The following ALK variants were observed in gnomAD, a reference collection of about 807,000 sequenced individuals.
ALK encodes ALK receptor tyrosine kinase.
ALK carries 74 observed loss-of-function variants against 163.1 expected under a neutral mutation model. That is an observed-to-expected ratio of 0.45 (90% CI 0.38 to 0.55). The LOEUF (loss-of-function observed/expected upper bound fraction) is 0.55. ALK is among the 20% of genes least tolerant of loss of function. ALK has a pLI of 0.00. For missense variants in ALK, 2,063 were observed against 2,105.3 expected (o/e 0.98, Z 0.39); for synonymous variants, 960 against 843.2 (o/e 1.14, Z -2.40).
chr2:29,459,145 T>G (rs926857751), intron 4 of ALK, among the ~76,000 whole-genome samples: 3 of 152,190 alleles, frequency 2.0e-5, no homozygotes, highest in Non-Finnish European at 2.9e-5. Flanking sequence ...ACACTGAAAC[T>G]TGCAGACTTT....
intron 11 of ALK, among the ~76,000 whole-genome samples, chr2:29,259,529 T>TTGA (rs1665031395): frequency 6.6e-6 from 1 of 152,178 alleles, no homozygotes; most frequent in African/African-American, 2.4e-5. Flanking sequence ...TATTTGAGTG[T>TTGA]TGATAATATA....
In ALK at chr2:29,637,709, CAA is replaced by C. The variant is rs70958274; in HGVS notation, c.952+57139_952+57140del. Among the ~76,000 whole-genome samples, 12 of 112,300 alleles carry C rather than the reference CAA, an allele frequency of 1.1e-4. 1 individual carries two copies. The highest frequency in any genetic ancestry group is 2.7e-4 in the Admixed American group (3 of 11,126). The allele number at this position is 112,300 out of a possible 152,430, so 73.7% of individuals were successfully genotyped here. ...GGGTGACAGAGCAAGACTCCGTCTC[CAA>C]AAAAAAAAAAAGAGGACTCTTTGTG... On this transcript the variant is annotated intron_variant, in intron 3 of 28. Transcript: ENST00000389048.
At chr2:29,864,546 T>C (rs557349058) in intron 1 of ALK, among the ~76,000 whole-genome samples, 6 of 152,380 alleles carry the variant, frequency 3.9e-5, no homozygotes, top group African/African-American at 1.4e-4. Context: ...ATCTTTCTCT[T>C]TTACAACTGT....
intron 16 of ALK, 63 bp downstream of exon 16, chr2:29,228,821 G>A (rs2148180339): frequency 2.7e-6 from 3 of 1,096,540 alleles, no homozygotes; most frequent in Non-Finnish European, 4.2e-6. Flanking sequence ...GGCAGGGCAG[G>A]GAGGTGAGGA....
intron 4 of ALK, among the ~76,000 whole-genome samples, chr2:29,496,607 C>T (rs1478020565): frequency 6.6e-6 from 1 of 152,080 alleles, no homozygotes; most frequent in African/African-American, 2.4e-5. Flanking sequence ...TCTAATATGA[C>T]CTTCTCCTAG....
At chr2:29,429,463 A>G (rs1470528585) in intron 4 of ALK, among the ~76,000 whole-genome samples, 1 of 152,096 alleles carries the variant, frequency 6.6e-6, no homozygotes, top group African/African-American at 2.4e-5. Context: ...TTCAAAAATG[A>G]TATTACAAAT....
chr2:29,859,712 G>A (rs1046591621), intron 1 of ALK, among the ~76,000 whole-genome samples: 29 of 152,144 alleles, frequency 1.9e-4, no homozygotes, highest in African/African-American at 5.8e-4. Context: ...TCCAGCCTGC[G>A]TGAACAGGAA....
intron 8 of ALK, among the ~76,000 whole-genome samples, chr2:29,304,247 C>T (rs1317585959): frequency 1.3e-5 from 2 of 152,098 alleles, no homozygotes; most frequent in Admixed American, 6.5e-5. Context: ...CCTGTAATCC[C>T]AGCACTTTGG....
chr2:29,853,180 A>G (rs760287556), intron 1 of ALK, among the ~76,000 whole-genome samples: 1 of 151,922 alleles, frequency 6.6e-6, no homozygotes, highest in Non-Finnish European at 1.5e-5. Flanking sequence ...AACATCATCA[A>G]TATGGTTGAC....
At chr2:29,802,777 C>T (rs1264575361) in intron 1 of ALK, among the ~76,000 whole-genome samples, 2 of 140,300 alleles carry the variant, frequency 1.4e-5, no homozygotes, top group Non-Finnish European at 1.5e-5. Flanking sequence ...GACTGGAACT[C>T]TTTTTTTTTT....
chr2:29,532,911 C>T (rs1410974485), intron 3 of ALK, among the ~76,000 whole-genome samples: 1 of 152,242 alleles, frequency 6.6e-6, no homozygotes, highest in Non-Finnish European at 1.5e-5. Flanking sequence ...CAGTGGGAAG[C>T]AGCTAATGAG....
intron 1 of ALK, among the ~76,000 whole-genome samples, chr2:29,820,783 C>A (rs1191665833): frequency 6.6e-6 from 1 of 152,184 alleles, no homozygotes; most frequent in Non-Finnish European, 1.5e-5. Context: ...CTTAGAAGAA[C>A]AGAAGTGATG....
chr2:29,477,983 A>G (rs149895271), intron 4 of ALK, among the ~76,000 whole-genome samples: 125 of 152,196 alleles, frequency 8.2e-4, no homozygotes, highest in African/African-American at 2.9e-3. Flanking sequence ...GAAAAAGACT[A>G]TTTTCCTGAG....
chr2:29,523,095 C>G (rs1286476798), intron 4 of ALK, among the ~76,000 whole-genome samples: 1 of 152,072 alleles, frequency 6.6e-6, no homozygotes, highest in Non-Finnish European at 1.5e-5. Flanking sequence ...AGTGAGCACT[C>G]AGAGAGCCAG....
intron 1 of ALK, among the ~76,000 whole-genome samples, chr2:29,871,097 T>C (rs1415486500): frequency 6.6e-6 from 1 of 152,188 alleles, no homozygotes; most frequent in South Asian, 2.1e-4. Context: ...TCAACACGCA[T>C]GAACCTTGGT....
intron 1 of ALK, among the ~76,000 whole-genome samples, chr2:29,904,021 G>A (rs1023776632): frequency 2.0e-5 from 3 of 152,072 alleles, no homozygotes; most frequent in Non-Finnish European, 4.4e-5. Flanking sequence ...GATTAAAAAA[G>A]AATAACTTGG....
At chr2:29,297,592 C>T (rs1235008307) in intron 8 of ALK, among the ~76,000 whole-genome samples, 1 of 152,182 alleles carries the variant, frequency 6.6e-6, no homozygotes, top group Non-Finnish European at 1.5e-5. Flanking sequence ...GACTTGACAC[C>T]TGTGGCCACT....
chr2:29,206,415 G>A (rs1462630615), intron 26 of ALK, among the ~76,000 whole-genome samples: 3 of 151,940 alleles, frequency 2.0e-5, no homozygotes, highest in African/African-American at 7.3e-5. Context: ...GGGACCACAT[G>A]CGTGCACCAC....
chr2:29,523,287 G>C (rs1444384700), intron 4 of ALK, among the ~76,000 whole-genome samples: 1 of 152,110 alleles, frequency 6.6e-6, no homozygotes, highest in African/African-American at 2.4e-5. Context: ...CCTTCTCAGG[G>C]CTAGCTTGCC....
Sources: gnomAD v4.1 joint callset for allele counts (sites outside exome capture counted in the v4.1 genomes callset) on GRCh38, gnomAD v4.1.1 for gene constraint, MANE v1.5 for transcripts, NCBI Gene and HGNC (gene_info 2026-07-23, HGNC 2026-07-21) for gene names.